TRPV3: variants seen among roughly 807,000 people sequenced by gnomAD.
The protein encoded by TRPV3 is transient receptor potential cation channel subfamily V member 3.
Under a neutral mutation model 87.1 loss-of-function variants are expected in TRPV3, and 88 were observed. The observed-to-expected ratio is 1.01, with a 90% CI of 0.85 to 1.21. The LOEUF (loss-of-function observed/expected upper bound fraction) is 1.21, where lower values mean the gene tolerates loss of function less well. Among genes scored for constraint, TRPV3 ranks in the 50% most tolerant of loss-of-function variants. TRPV3 has a pLI of 0.00. For missense variants in TRPV3, 1,054 were observed against 1,030.1 expected, an observed-to-expected ratio of 1.02 and a Z score of -0.32; for synonymous variants, 438 against 423.3, an observed-to-expected ratio of 1.03 and a Z score of -0.43.
intron 12 of TRPV3, among the ~76,000 whole-genome samples, chr17:3,525,255 G>A (rs962655485): frequency 2.0e-5 from 3 of 152,166 alleles, no homozygotes; most frequent in South Asian, 2.1e-4. Context: ...TCTGACCTCA[G>A]GTGATCCACC....
At chr17:3,514,512 C>T in intron 17 of TRPV3, 81 bp downstream of exon 17, 1 of 997,994 alleles carries the variant, frequency 1.0e-6, no homozygotes, top group East Asian at 2.4e-5. Flanking sequence ...TGGGGAAAGT[C>T]AGGACCCTTA....
At position 3,544,665 on chromosome 17, in the gene TRPV3, G is replaced by A. The variant is rs148725171; in HGVS notation, c.225C>T (p.Cys75=). Residue 75 remains cysteine (C), a splice_region_variant and synonymous_variant, in exon 4 of 18, where the codon TGC becomes TGT. Coordinates refer to ENST00000576742, the MANE Select transcript of TRPV3 (RefSeq NM_145068.4). ...CCATGTCATCACAGTTACCAGAGATGCTGGAGGTGTTGGCAGGGGGAACAG... is the reference window on the plus strand; with the variant it reads ...CCATGTCATCACAGTTACCAGAGATACTGGAGGTGTTGGCAGGGGGAACAG... ...SKPMDSNIRQ[C]ISGNCDDMDS... 19 of 1,608,416 alleles carry A rather than the reference G, an allele frequency of 1.2e-5. No individual in the cohort carries two copies. In the African/African-American group the frequency reaches 2.4e-4, roughly 20 times the overall value.
chr17:3,525,079 GCA>G (rs2074284818), intron 12 of TRPV3, among the ~76,000 whole-genome samples: 2 of 152,188 alleles, frequency 1.3e-5, no homozygotes, highest in Non-Finnish European at 2.9e-5. Flanking sequence ...GAGTACAGTG[GCA>G]TGAACTCTGC....
chr17:3,548,899 G>T (rs1160756712), intron 2 of TRPV3, among the ~76,000 whole-genome samples: 1 of 152,150 alleles, frequency 6.6e-6, no homozygotes, highest in Middle Eastern at 3.2e-3. Flanking sequence ...GATCCCTAAG[G>T]TCTGGACCCT....
intron 12 of TRPV3, 106 bp from the exon 13 acceptor site, chr17:3,524,469 G>A (rs925987960): frequency 3.4e-5 from 48 of 1,409,008 alleles, no homozygotes; most frequent in Admixed American, 6.4e-5. Context: ...CAGTCACCCC[G>A]GTGACGGATG....
Position 3,528,385 on chromosome 17 carries a change from C to A in TRPV3, c.1402-259G>T, listed in dbSNP as rs1416438886. On this transcript the variant is annotated intron_variant, in intron 10 of 17. Coordinates refer to ENST00000576742, the MANE Select transcript of TRPV3 (RefSeq NM_145068.4). This position sits in a 1 kb window ranked among gnomAD's most constrained non-coding sequence, Gnocchi z 4.2. Reference sequence around the variant, plus strand: ...CAACCCTCACACTCCATTGCAATAGCCTTTCCGGAACCCATCCATATCCAG... The same window carrying A: ...CAACCCTCACACTCCATTGCAATAGACTTTCCGGAACCCATCCATATCCAG... Among the ~76,000 whole-genome samples the A allele has an allele frequency of 6.6e-6, 1 of 152,178 alleles. No homozygotes were observed. The highest frequency in any genetic ancestry group is 1.5e-5 in the Non-Finnish European group (1 of 68,028).
At chr17:3,529,976 GAGGTCC>G in intron 9 of TRPV3, 45 bp downstream of exon 9, 1 of 1,567,062 alleles carries the variant, frequency 6.4e-7, no homozygotes, top group Non-Finnish European at 8.7e-7. Context: ...CCCCTGGCCT[GAGGTCC>G]AGCCCTCTTC....
At chr17:3,532,080 C>T (rs1334997165) in intron 8 of TRPV3, among the ~76,000 whole-genome samples, 1 of 152,324 alleles carries the variant, frequency 6.6e-6, no homozygotes, top group Non-Finnish European at 1.5e-5. Flanking sequence ...ATGACACCGG[C>T]CCCTGAAAGA....
At chr17:3,514,737 T>C (rs2074160901) in intron 16 of TRPV3, 65 bp from the exon 17 acceptor site, 1 of 1,302,644 alleles carries the variant, frequency 7.7e-7, no homozygotes, top group Non-Finnish European at 1.1e-6. Flanking sequence ...CAAATAGCCC[T>C]GCGTTTGGGA....
intron 8 of TRPV3, 32 bp downstream of exon 8, chr17:3,532,625 A>G: frequency 6.2e-7 from 1 of 1,608,776 alleles, no homozygotes; most frequent in Non-Finnish European, 8.5e-7. Context: ...TGACCTCCCG[A>G]CCTCCTGCCT....
At position 3,512,226 on chromosome 17, in the gene TRPV3, T is replaced by G. The variant is rs1037361883; in HGVS notation, c.*1691A>C. The G allele has an allele frequency of 6.6e-6, 1 of 152,266 alleles. No individual in the cohort carries two copies. The highest frequency in any genetic ancestry group is 1.5e-5 in the Non-Finnish European group (1 of 68,100). The allele number at this position is 152,266 out of a possible 1,614,324, so 9.4% of individuals were successfully genotyped here. A position where few individuals can be genotyped will look rare whatever the true frequency, so the allele number is the denominator to read the frequency against. On this transcript the variant is annotated 3_prime_UTR_variant, in exon 18 of 18. Coordinates refer to ENST00000576742, the MANE Select transcript of TRPV3 (RefSeq NM_145068.4). ...ACAGTTCTCCTCAAATCTTCTCTTC[T>G]CCAGAGGCCCATGCCCAGCCCCGAC...
intron 9 of TRPV3, among the ~76,000 whole-genome samples, chr17:3,529,196 G>A (rs1486941435): frequency 1.3e-5 from 2 of 152,140 alleles, no homozygotes; most frequent in African/African-American, 4.8e-5. Context: ...AGCAGTCAGA[G>A]GCCGCAGGAG....
Position 3,530,198 on chromosome 17 carries a change from C to A in TRPV3, c.1071G>T (p.Leu357=). 2.5e-6 allele frequency: 4 copies of A among 1,611,228 alleles called. No homozygotes were observed. Among genetic ancestry groups the A allele is most frequent in the Non-Finnish European group, 2.5e-6 (3 of 1,178,282 alleles). Residue 357 remains leucine (L), a synonymous_variant, in exon 9 of 18, where the codon CTG becomes CTT. Coordinates refer to ENST00000576742, the MANE Select transcript of TRPV3 (RefSeq NM_145068.4). This position sits in a 1 kb window ranked among gnomAD's most constrained non-coding sequence, Gnocchi z 4.0. Reference sequence around the variant, plus strand: ...TGATCTCACGACTGAGGATGTACTTCAGGATCTGGGACAGGAGGAGGAACA... The same window carrying A: ...TGATCTCACGACTGAGGATGTACTTAAGGATCTGGGACAGGAGGAGGAACA... ...LAAKMGKAEI[L]KYILSREIKE...
chr17:3,522,785 C>A (rs898053520), intron 13 of TRPV3, among the ~76,000 whole-genome samples: 1 of 150,374 alleles, frequency 6.7e-6, no homozygotes, highest in Non-Finnish European at 1.5e-5. Flanking sequence ...CTATTGCACT[C>A]CAGCCTGGGC....
chr17:3,517,384 G>A (rs1454902887), intron 15 of TRPV3, among the ~76,000 whole-genome samples: 1 of 152,098 alleles, frequency 6.6e-6, no homozygotes, highest in Non-Finnish European at 1.5e-5. Context: ...TTGGGAGGCT[G>A]AGGCGGGCGA....
chr17:3,537,844 C>T (rs1394823826), intron 6 of TRPV3, among the ~76,000 whole-genome samples: 4 of 142,090 alleles, frequency 2.8e-5, no homozygotes, highest in East Asian at 2.1e-4. Flanking sequence ...AGGCAGAGAT[C>T]GCGCCACTGT....
chr17:3,525,264 C>CT (rs1421656890), intron 12 of TRPV3, among the ~76,000 whole-genome samples: 9 of 152,314 alleles, frequency 5.9e-5, no homozygotes, highest in Non-Finnish European at 1.2e-4. Context: ...AGGTGATCCA[C>CT]CCACCTCGGC....
At chr17:3,539,242 C>T (rs945964802) in intron 6 of TRPV3, among the ~76,000 whole-genome samples, 2 of 151,456 alleles carry the variant, frequency 1.3e-5, no homozygotes, top group Admixed American at 1.3e-4. Context: ...TGCACATATA[C>T]ACACACAAAT....
chr17:3,528,102 T>G lies in TRPV3; in HGVS notation c.1426A>C (p.Thr476Pro). The G allele has an allele frequency of 6.2e-7, 1 of 1,613,466 alleles. No homozygotes were observed. Among genetic ancestry groups the G allele is most frequent in the East Asian group, 2.2e-5 (1 of 44,868 alleles). ...AGCTGCAGCCACCCCATCTTGTGCG[T>G]CAGGGCCAAGGGGTGCGGGATGGCC... Reference protein sequence around the residue: ...EEAIPHPLALTHKMGWLQLLG... With the variant: ...EEAIPHPLALPHKMGWLQLLG... Residue 476 changes from threonine to proline, a missense_variant, in exon 11 of 18, where the codon ACG (threonine) becomes CCG (proline). By Grantham distance (38) the Thr-to-Pro change is conservative (BLOSUM62 -1). Transcript: ENST00000576742. The surrounding 1 kb of genome is among the most constrained non-coding windows in gnomAD (Gnocchi z 4.2).
Sources: gnomAD v4.1 joint callset for allele counts (sites outside exome capture counted in the v4.1 genomes callset) on GRCh38, gnomAD v4.1.1 for gene constraint, Gnocchi (gnomAD v3.1) non-coding constraint, MANE v1.5 for transcripts, NCBI Gene and HGNC (gene_info 2026-07-23, HGNC 2026-07-21) for gene names.